PTPRN: variants seen among roughly 807,000 people sequenced by gnomAD.
The protein encoded by PTPRN is protein tyrosine phosphatase receptor type N, also known as receptor-type tyrosine-protein phosphatase-like N.
A neutral mutation model predicts 108.5 loss-of-function variants in PTPRN; 70 were observed. The ratio of observed to expected loss-of-function variants is 0.65; its 90% CI spans 0.53 to 0.79. The LOEUF is 0.79. Ranked by LOEUF, PTPRN falls within the 30% of genes least tolerant of loss-of-function variation. PTPRN has a pLI of 0.00. For synonymous variants in PTPRN, 496 were observed against 524.6 expected (o/e 0.95, Z 0.75); for missense variants, 1,136 against 1,295.5 (o/e 0.88, Z 1.89).
chr2:219,293,937 GA>G (rs777525063), intron 19 of PTPRN, among the ~76,000 whole-genome samples: 19 of 152,230 alleles, frequency 1.2e-4, no homozygotes, highest in Non-Finnish European at 2.1e-4. Context: ...GTCAGTGTTG[GA>G]AAAGGGTAAG....
intron 4 of PTPRN, 136 bp downstream of exon 4, chr2:219,303,599 C>T (rs1952411341): frequency 1.3e-6 from 1 of 782,284 alleles, no homozygotes; most frequent in Non-Finnish European, 2.2e-6. Context: ...AGAGAGTGAC[C>T]ATTCCTGCAC....
chr2:219,305,209 A>G (rs1348075417), intron 3 of PTPRN, among the ~76,000 whole-genome samples: 1 of 151,176 alleles, frequency 6.6e-6, no homozygotes, highest in Non-Finnish European at 1.5e-5. Context: ...TCTCCCTGAG[A>G]GGAAGTTGAT....
Position 219,299,290 on chromosome 2 carries a change from C to T in PTPRN, c.1603+15G>A, listed in dbSNP as rs371054652. The T allele has an allele frequency of 5.0e-6, 8 of 1,613,430 alleles. No individual in the cohort carries two copies. The highest frequency in any genetic ancestry group is 1.7e-5 in the Admixed American group (1 of 60,022). On this transcript the variant is annotated intron_variant, in intron 11 of 22. Coordinates refer to ENST00000295718, the MANE Select transcript of PTPRN (RefSeq NM_002846.4). The stretch of plus-strand genomic sequence containing the variant: ...CTGGGGCCAAGCCTGGGATTGAGGT[C>T]GCAGAGATATTTACCTGCTTGTTGG...
rs1043779939 is a variant in PTPRN, at chr2:219,296,417, A to G, written c.2388+22T>C. 37 of 1,613,984 alleles carry G rather than the reference A, an allele frequency of 2.3e-5. No homozygotes were observed. The highest frequency in any genetic ancestry group is 3.1e-5 in the Non-Finnish European group (37 of 1,179,974). On this transcript the variant is annotated intron_variant, in intron 17 of 22. Coordinates refer to ENST00000295718, the MANE Select transcript of PTPRN (RefSeq NM_002846.4). This position sits in a 1 kb window ranked among gnomAD's most constrained non-coding sequence, Gnocchi z 6.0. ...CTCGTGGCCACAAGGACCCCAGCGA[A>G]GCCCTCCCTTTAAGAGCCCACCTGC...
intron 3 of PTPRN, among the ~76,000 whole-genome samples, chr2:219,304,770 A>G (rs7600417): frequency 0.19 from 28,906 of 152,122 alleles, 3,403 homozygotes; most frequent in Middle Eastern, 0.32. Context: ...TCTTTCCTAC[A>G]TAATTTCCTT....
intron 18 of PTPRN, 36 bp from the exon 19 acceptor site, chr2:219,295,177 C>T (rs1247357884): frequency 5.0e-6 from 8 of 1,590,320 alleles, no homozygotes; most frequent in Non-Finnish European, 6.8e-6. Flanking sequence ...GCGCCGCGGG[C>T]TGCCCCAGTC....
intron 19 of PTPRN, chr2:219,294,196 G>A (rs1355138901): frequency 4.1e-6 from 2 of 486,034 alleles, no homozygotes; most frequent in East Asian, 6.1e-5. Flanking sequence ...ACTGGCAGCT[G>A]TGAGGGAGAG....
Position 219,296,737 on chromosome 2 carries a change from A to C in PTPRN, c.2310+12T>G. ...TGGGGCAGAGGTGGGGGCTGGAGTC[A>C]GGGCCACTCACAATGGGGCTGGCGT... On this transcript the variant is annotated intron_variant, in intron 16 of 22. Transcript: ENST00000295718. The surrounding 1 kb of genome is among the most constrained non-coding windows in gnomAD (Gnocchi z 6.0). 1.2e-6 allele frequency: 2 copies of C among 1,613,566 alleles called. No individual in the cohort carries two copies. Among genetic ancestry groups the C allele is most frequent in the Non-Finnish European group, 1.7e-6 (2 of 1,179,748 alleles).
Position 219,290,463 on chromosome 2 carries a change from C to A in PTPRN, c.2868+75G>T. 1.4e-6 allele frequency: 2 copies of A among 1,467,102 alleles called. No individual in the cohort carries two copies. The highest frequency in any genetic ancestry group is 2.4e-5 in the South Asian group (2 of 81,900). The allele number at this position is 1,467,102 out of a possible 1,614,324, so 90.9% of individuals were successfully genotyped here. A position where few individuals can be genotyped will look rare whatever the true frequency, so the allele number is the denominator to read the frequency against. ...AGGTGGGAAAGGTTGGCAGCTGCTG[C>A]TTTCCCTGGGGTGGCCAAGAAGTGG... On this transcript the variant is annotated intron_variant, in intron 22 of 22. Transcript: ENST00000295718. The surrounding 1 kb of genome is among the most constrained non-coding windows in gnomAD (Gnocchi z 4.2).
chr2:219,293,934 T>A (rs1173898746), intron 19 of PTPRN, among the ~76,000 whole-genome samples: 1 of 152,176 alleles, frequency 6.6e-6, no homozygotes, highest in Non-Finnish European at 1.5e-5. Context: ...GGTGTCAGTG[T>A]TGGAAAAGGG....
chr2:219,304,889 T>C (rs1952443978), intron 3 of PTPRN, among the ~76,000 whole-genome samples: 2 of 152,224 alleles, frequency 1.3e-5, no homozygotes, highest in Non-Finnish European at 2.9e-5. Flanking sequence ...GATCACTCCA[T>C]ATCTTTGCAG....
At chr2:219,299,178 C>T in intron 11 of PTPRN, 67 bp from the exon 12 acceptor site, 2 of 1,609,282 alleles carry the variant, frequency 1.2e-6, no homozygotes, top group East Asian at 2.2e-5. Flanking sequence ...TCTTGCTCTG[C>T]CAAGCAGCAG....
chr2:219,302,110 G>T, intron 6 of PTPRN, 27 bp downstream of exon 6: 1 of 1,532,492 alleles, frequency 6.5e-7, no homozygotes, highest in Non-Finnish European at 8.8e-7. Context: ...GCCCTCACAG[G>T]GAGGTGGATG....
chr2:219,304,811 C>A (rs182451433), intron 3 of PTPRN, among the ~76,000 whole-genome samples: 32 of 152,318 alleles, frequency 2.1e-4, no homozygotes, highest in African/African-American at 6.7e-4. Context: ...ACATTATTCC[C>A]ATGCAAACAA....
At chr2:219,295,162 C>A in intron 18 of PTPRN, 21 bp from the exon 19 acceptor site, 2 of 1,599,522 alleles carry the variant, frequency 1.3e-6, no homozygotes, top group South Asian at 2.2e-5. Flanking sequence ...GGGGCCCAGG[C>A]CTGAGCGCCG....
Position 219,290,919 on chromosome 2 carries a change from C to G in PTPRN, c.2730-29G>C, listed in dbSNP as rs748092992. 1.2e-6 allele frequency: 2 copies of G among 1,607,074 alleles called. No homozygotes were observed. Among genetic ancestry groups the G allele is most frequent in the South Asian group, 2.2e-5 (2 of 90,904 alleles). ...AAACAGGAGTTAGTGACAGGTTTAG[C>G]TTGAGATGCAGCAGAAAGGGGGAGG... is the stretch of plus-strand genomic sequence containing the variant. On this transcript the variant is annotated intron_variant, in intron 20 of 22. Transcript: ENST00000295718. The surrounding 1 kb of genome is among the most constrained non-coding windows in gnomAD (Gnocchi z 4.2).
intron 19 of PTPRN, among the ~76,000 whole-genome samples, chr2:219,294,371 A>T (rs997935061): frequency 6.6e-6 from 1 of 151,474 alleles, no homozygotes; most frequent in Admixed American, 6.6e-5. Flanking sequence ...AAGCGCGGAG[A>T]GGGAGAAATG....
Position 219,294,992 on chromosome 2 carries a change from G to A in PTPRN, c.2658C>T (p.Pro886=). The A allele has an allele frequency of 6.3e-7, 1 of 1,599,022 alleles. No individual in the cohort carries two copies. Among genetic ancestry groups the A allele is most frequent in the Non-Finnish European group, 8.5e-7 (1 of 1,173,596 alleles). ...PAEGTPASTR[P]LLDFRRKVNK... ...GCGCTCACCTGCGGAAGTCCAGCAG[G>A]GGCCGCGTGGAGGCCGGTGTGCCCT... is the stretch of plus-strand genomic sequence containing the variant. The change falls in exon 19 of 23, where the codon CCC becomes CCT. Residue 886 remains proline, a synonymous_variant. Coordinates refer to ENST00000295718, the MANE Select transcript of PTPRN (RefSeq NM_002846.4).
At chr2:219,307,625 T>A (rs1952516776) in intron 2 of PTPRN, 68 bp from the exon 3 acceptor site, 1 of 1,495,146 alleles carries the variant, frequency 6.7e-7, no homozygotes, top group Non-Finnish European at 9.3e-7. Context: ...AGGTTGCAAA[T>A]GGACTGTACT....
Sources: gnomAD v4.1 joint callset for allele counts (sites outside exome capture counted in the v4.1 genomes callset) on GRCh38, gnomAD v4.1.1 for gene constraint, Gnocchi (gnomAD v3.1) non-coding constraint, MANE v1.5 for transcripts, NCBI Gene and HGNC (gene_info 2026-07-23, HGNC 2026-07-21) for gene names.